The following LGSN variants were observed in gnomAD, a reference collection of about 807,000 sequenced individuals.
LGSN encodes the protein lengsin.
In LGSN, 21 loss-of-function variants were observed where a neutral mutation model predicts 19.5. That is an observed-to-expected ratio of 1.07 (90% CI 0.76 to 1.55). The LOEUF is 1.55. LGSN is among the 40% of genes most tolerant of loss of function. The probability of loss-of-function intolerance (pLI) is 0.00; values close to 1 mark genes in which losing one functional copy is unlikely to be tolerated. For synonymous variants in LGSN, 257 were observed against 215.6 expected, an observed-to-expected ratio of 1.19 and a Z score of -1.68; for missense variants, 673 against 608.5, an observed-to-expected ratio of 1.11 and a Z score of -1.12.
chr6:63,419,733 C>CA, the LGSN span, among the ~76,000 whole-genome samples: 1 of 150,742 alleles, frequency 6.6e-6, no homozygotes, highest in Middle Eastern at 3.2e-3. Flanking sequence ...ACTAAAAATA[C>CA]AAAAATTAGC....
chr6:63,441,340 T>C, the LGSN span: 2 of 477,802 alleles, frequency 4.2e-6, no homozygotes, highest in Admixed American at 4.6e-5. Flanking sequence ...CTCCAGCACC[T>C]GGCTCTCCTC....
the LGSN span, among the ~76,000 whole-genome samples, chr6:63,387,941 C>T: frequency 6.6e-6 from 1 of 152,080 alleles, no homozygotes; most frequent in Non-Finnish European, 1.5e-5. Context: ...TCTTGGCTCA[C>T]TGCAACCTCC....
chr6:63,431,872 G>C, the LGSN span, among the ~76,000 whole-genome samples: 2 of 150,490 alleles, frequency 1.3e-5, no homozygotes, highest in Non-Finnish European at 3.0e-5. Context: ...TTCAAGACCA[G>C]CCAGCCCAAC....
the LGSN span, among the ~76,000 whole-genome samples, chr6:63,516,035 C>A: frequency 6.6e-6 from 1 of 152,078 alleles, no homozygotes; most frequent in African/African-American, 2.4e-5. Context: ...TACAGTAAAT[C>A]ATTTATTTTT....
Position 63,279,895 on chromosome 6 carries a change from A to G in LGSN, c.*126T>C, listed in dbSNP as rs958639793. The G allele has an allele frequency of 8.8e-6, 8 of 907,962 alleles. No individual in the cohort carries two copies. In the South Asian group the frequency reaches 1.2e-4, roughly 14 times the overall value. 56.2% of individuals were successfully genotyped at this position (907,962 alleles called of 1,614,324 possible). On this transcript the variant is annotated 3_prime_UTR_variant, in exon 4 of 4. Transcript: ENST00000370657. ...TCAAATATTCCATGGACAAAAAAAA[A>G]AGTCAAAAGCATTCGTAATCTTGTT...
chr6:63,502,556 G>A, the LGSN span, among the ~76,000 whole-genome samples: 1 of 152,136 alleles, frequency 6.6e-6, no homozygotes, highest in African/African-American at 2.4e-5. Context: ...TTGATAGAGG[G>A]TTATACCTGA....
chr6:63,485,876 G>A, the LGSN span, among the ~76,000 whole-genome samples: 3 of 151,976 alleles, frequency 2.0e-5, no homozygotes, highest in African/African-American at 4.8e-5. Flanking sequence ...CTATGGACAC[G>A]CACCACCATG....
At chr6:63,355,908 A>C in the LGSN span, among the ~76,000 whole-genome samples, 1 of 152,034 alleles carries the variant, frequency 6.6e-6, no homozygotes, top group Non-Finnish European at 1.5e-5. Flanking sequence ...TGAACTCCTG[A>C]CCTCAGGTGA....
At chr6:63,367,873 C>A in the LGSN span, among the ~76,000 whole-genome samples, 1 of 150,932 alleles carries the variant, frequency 6.6e-6, no homozygotes, top group Non-Finnish European at 1.5e-5. Flanking sequence ...TTCTCACTCA[C>A]AGGTGGGAAG....
At chr6:63,331,869 C>T in the LGSN span, among the ~76,000 whole-genome samples, 34 of 152,090 alleles carry the variant, frequency 2.2e-4, no homozygotes, top group African/African-American at 7.7e-4. Context: ...TGGCCCATAC[C>T]GACGCATTCT....
the LGSN span, among the ~76,000 whole-genome samples, chr6:63,445,340 A>C: frequency 3.3e-5 from 5 of 152,078 alleles, 1 homozygote; most frequent in South Asian, 1.0e-3. Context: ...CATGCTGGTC[A>C]GGCACGGTGG....
At chr6:63,368,592 A>C in the LGSN span, among the ~76,000 whole-genome samples, 7 of 150,794 alleles carry the variant, frequency 4.6e-5, no homozygotes, top group Admixed American at 4.6e-4. Flanking sequence ...TCCTCCCCCC[A>C]CTCCACACAC....
At chr6:63,370,002 C>CA in the LGSN span, among the ~76,000 whole-genome samples, 1 of 143,410 alleles carries the variant, frequency 7.0e-6, no homozygotes, top group East Asian at 2.0e-4. Flanking sequence ...ACTGTGTATC[C>CA]AAAAAAGAAG....
chr6:63,510,242 T>C, the LGSN span, among the ~76,000 whole-genome samples: 5 of 152,298 alleles, frequency 3.3e-5, no homozygotes, highest in East Asian at 9.6e-4. Flanking sequence ...GCAACTGCTC[T>C]AAATCATGCT....
At chr6:63,482,287 G>A in the LGSN span, among the ~76,000 whole-genome samples, 1 of 152,046 alleles carries the variant, frequency 6.6e-6, no homozygotes, top group Non-Finnish European at 1.5e-5. Flanking sequence ...AGCAATTCCT[G>A]GCACATGGTA....
the LGSN span, among the ~76,000 whole-genome samples, chr6:63,427,134 C>G: frequency 6.6e-6 from 1 of 151,748 alleles, no homozygotes; most frequent in African/African-American, 2.4e-5. Flanking sequence ...CAACCACCAC[C>G]TCCCAGGTTC....
chr6:63,502,829 A>C, the LGSN span, among the ~76,000 whole-genome samples: 1 of 152,208 alleles, frequency 6.6e-6, no homozygotes, highest in Admixed American at 6.5e-5. Context: ...TCTGCATGCA[A>C]TACTACAGAC....
In LGSN at chr6:63,279,860, A is replaced by T; in HGVS notation, c.*161T>A. On this transcript the variant is annotated 3_prime_UTR_variant, in exon 4 of 4. Transcript: ENST00000370657. The stretch of plus-strand genomic sequence containing the variant: ...TTATCAGAATCTTCTCAGCAGTCCT[A>T]CTTCATCTGTCAAATATTCCATGGA... The T allele has an allele frequency of 1.5e-6, 1 of 647,124 alleles. No homozygotes were observed. The highest frequency in any genetic ancestry group is 2.7e-6 in the Non-Finnish European group (1 of 374,996). The allele number at this position is 647,124 out of a possible 1,614,324, so 40.1% of individuals were successfully genotyped here. A position where few individuals can be genotyped will look rare whatever the true frequency, so the allele number is the denominator to read the frequency against.
At chr6:63,361,277 T>G in the LGSN span, among the ~76,000 whole-genome samples, 19,868 of 152,172 alleles carry the variant, frequency 0.13, 2,871 homozygotes, top group African/African-American at 0.36. Flanking sequence ...ATGCAGGCAG[T>G]CCTCCTTGAG....
Sources: gnomAD v4.1 joint callset for allele counts (sites outside exome capture counted in the v4.1 genomes callset) on GRCh38, gnomAD v4.1.1 for gene constraint, MANE v1.5 for transcripts, NCBI Gene and HGNC (gene_info 2026-07-23, HGNC 2026-07-21) for gene names.